The following HGSNAT variants were observed in gnomAD, a reference collection of about 807,000 sequenced individuals.
The protein encoded by HGSNAT is heparan-alpha-glucosaminide N-acetyltransferase.
In HGSNAT, 59 loss-of-function variants were observed where a neutral mutation model predicts 85.2. The observed-to-expected ratio is 0.69, with a 90% CI of 0.56 to 0.86. The LOEUF (loss-of-function observed/expected upper bound fraction) is 0.86. HGSNAT is among the 40% of genes least tolerant of loss of function. HGSNAT has a pLI of 0.00. For synonymous variants in HGSNAT, 321 were observed against 304.5 expected (o/e 1.05, Z -0.56); for missense variants, 756 against 777.1 (o/e 0.97, Z 0.32).
intron 11 of HGSNAT, among the ~76,000 whole-genome samples, chr8:43,184,047 TG>T (rs1158315632): frequency 6.6e-6 from 1 of 152,256 alleles, no homozygotes; most frequent in Non-Finnish European, 1.5e-5. Context: ...GTTGGGCATT[TG>T]GGTTGGTTCC....
chr8:43,196,167 C>T, intron 14 of HGSNAT: 1 of 299,828 alleles, frequency 3.3e-6, no homozygotes, highest in South Asian at 2.8e-5. Context: ...TGTGCTTCAA[C>T]AGCACCTACT....
chr8:43,197,822 C>T lies in HGSNAT; in HGVS notation c.1614-18C>T. 2 of 1,607,306 alleles carry T rather than the reference C, an allele frequency of 1.2e-6. No homozygotes were observed. The highest frequency in any genetic ancestry group is 1.7e-6 in the Non-Finnish European group (2 of 1,173,724). On this transcript the variant is annotated intron_variant, in intron 16 of 17. Coordinates refer to ENST00000379644, the MANE Select transcript of HGSNAT (RefSeq NM_152419.3). ...TTGTTCCGTACGAGCACTGAAACGT[C>T]TCCTCCACCCCTCCCAGGTCCCTTT... is the stretch of plus-strand genomic sequence containing the variant.
intron 12 of HGSNAT, 111 bp from the exon 13 acceptor site, chr8:43,192,193 G>GT: frequency 1.6e-6 from 2 of 1,240,860 alleles, no homozygotes; most frequent in Non-Finnish European, 2.2e-6. Context: ...CTCCCAAAGT[G>GT]TTGGGATTAC....
chr8:43,150,237 G>A (rs952162427), intron 2 of HGSNAT, among the ~76,000 whole-genome samples: 2 of 152,100 alleles, frequency 1.3e-5, no homozygotes, highest in African/African-American at 4.8e-5. Flanking sequence ...ACCGACGTGA[G>A]CCACCGCGCC....
rs1193781225 is a variant in HGSNAT, at chr8:43,145,675, C to T, written c.119-1273C>T. On this transcript the variant is annotated intron_variant, in intron 1 of 17. Coordinates refer to ENST00000379644, the MANE Select transcript of HGSNAT (RefSeq NM_152419.3). Reference sequence around the variant, plus strand: ...CTGAGGCAGGAGAATGGCTTGAACCCGAGTGGTAGAGGTTGCAGTGAGCCG... The same window carrying T: ...CTGAGGCAGGAGAATGGCTTGAACCTGAGTGGTAGAGGTTGCAGTGAGCCG... 7.2e-5 allele frequency among the ~76,000 whole-genome samples: 11 copies of T among 152,050 alleles called. No homozygotes were observed. In the South Asian group the frequency reaches 1.0e-3, roughly 14 times the overall value.
intron 10 of HGSNAT, 113 bp from the exon 11 acceptor site, chr8:43,182,032 A>G (rs1373312727): frequency 8.7e-6 from 7 of 805,490 alleles, no homozygotes; most frequent in Non-Finnish European, 1.5e-5. Context: ...CTTAAAAAAG[A>G]CTTACTTAGA....
In HGSNAT at chr8:43,153,404, C is replaced by T. The variant is rs182760642; in HGVS notation, c.235-5171C>T. Among the ~76,000 whole-genome samples, 296 of 151,716 alleles carry T rather than the reference C, an allele frequency of 2.0e-3. 1 individual carries two copies. The highest frequency in any genetic ancestry group is 0.01 in the Middle Eastern group (3 of 294). ...AATAATGGTACATATTTATGGGGTACAGTATCTCGAACTGCTGAGCTCAAG... is the reference window on the plus strand; with the variant it reads ...AATAATGGTACATATTTATGGGGTATAGTATCTCGAACTGCTGAGCTCAAG... On this transcript the variant is annotated intron_variant, in intron 2 of 17. Coordinates refer to ENST00000379644, the MANE Select transcript of HGSNAT (RefSeq NM_152419.3).
intron 2 of HGSNAT, among the ~76,000 whole-genome samples, chr8:43,157,940 G>C (rs1010883386): frequency 2.0e-5 from 3 of 152,048 alleles, no homozygotes; most frequent in African/African-American, 4.8e-5. Flanking sequence ...CATATATTAA[G>C]TTACAAATAT....
intron 7 of HGSNAT, 86 bp downstream of exon 7, chr8:43,170,780 A>G (rs1198042582): frequency 2.5e-6 from 2 of 786,800 alleles, no homozygotes; most frequent in East Asian, 2.8e-5. Context: ...GCTTTTAAGG[A>G]CTTTTACATA....
intron 8 of HGSNAT, among the ~76,000 whole-genome samples, 153 bp downstream of exon 8, chr8:43,172,539 C>A (rs1321024854): frequency 6.6e-6 from 1 of 152,208 alleles, no homozygotes; most frequent in Admixed American, 6.5e-5. Flanking sequence ...CTAGGGTGAC[C>A]TGTAGATGAT....
Position 43,158,939 on chromosome 8 carries a change from G to A in HGSNAT, c.388G>A (p.Gly130Arg). 6.2e-7 allele frequency: 1 copy of A among 1,609,112 alleles called. No homozygotes were observed. Among genetic ancestry groups the A allele is most frequent in the Non-Finnish European group, 8.5e-7 (1 of 1,176,902 alleles). The change falls in exon 4 of 18, where the codon GGA becomes AGA. Residue 130 changes from glycine (G) to arginine (R), a missense_variant. By Grantham distance (125) the Gly-to-Arg change is moderately radical (BLOSUM62 -2). Coordinates refer to ENST00000379644, the MANE Select transcript of HGSNAT (RefSeq NM_152419.3). ...KEVCRLEYRFGEFGNYSLLVK... is the reference protein window; with the variant it reads ...KEVCRLEYRFREFGNYSLLVK... The stretch of plus-strand genomic sequence containing the variant: ...TGTTTGTAGGTTGGAATACAGATTT[G>A]GAGAATTTGGAAACTATTCTCTCTT...
At chr8:43,190,146 G>A (rs1340327132) in intron 11 of HGSNAT, among the ~76,000 whole-genome samples, 2 of 152,114 alleles carry the variant, frequency 1.3e-5, no homozygotes, top group Non-Finnish European at 1.5e-5. Context: ...GAAGCATGTC[G>A]GAGTCCCATC....
chr8:43,161,043 T>G (rs1367626511), intron 4 of HGSNAT, among the ~76,000 whole-genome samples: 1 of 152,220 alleles, frequency 6.6e-6, no homozygotes, highest in Non-Finnish European at 1.5e-5. Flanking sequence ...TCAGGCTGTC[T>G]TTACAAGGGC....
In HGSNAT at chr8:43,146,999, T is replaced by A; in HGVS notation, c.170T>A (p.Leu57His). ...AELKMDQALL[L>H]IHNELLWTNL... ...CTGAAGATGGATCAGGCTTTGCTAC[T>A]CATCCATAATGAACTTCTCTGGACC... Residue 57 changes from leucine to histidine, a missense_variant, in exon 2 of 18, where the codon CTC (leucine) becomes CAC (histidine). Coordinates refer to ENST00000379644, the MANE Select transcript of HGSNAT (RefSeq NM_152419.3). 1 of 1,610,654 alleles carries A rather than the reference T, an allele frequency of 6.2e-7. No homozygotes were observed. The highest frequency in any genetic ancestry group is 8.5e-7 in the Non-Finnish European group (1 of 1,178,992).
At chr8:43,191,007 G>T (rs915127857) in intron 11 of HGSNAT, among the ~76,000 whole-genome samples, 7 of 152,154 alleles carry the variant, frequency 4.6e-5, no homozygotes, top group Non-Finnish European at 8.8e-5. Flanking sequence ...GTCATATAAC[G>T]TGGCTTTTTG....
intron 2 of HGSNAT, among the ~76,000 whole-genome samples, chr8:43,152,404 A>G (rs1035802465): frequency 2.6e-5 from 4 of 152,216 alleles, no homozygotes; most frequent in Admixed American, 2.0e-4. Flanking sequence ...TAATAAATAC[A>G]TAAGGTAGAA....
intron 10 of HGSNAT, among the ~76,000 whole-genome samples, chr8:43,178,463 A>T (rs1803891221): frequency 6.6e-6 from 1 of 152,084 alleles, no homozygotes; most frequent in Non-Finnish European, 1.5e-5. Context: ...GTGCAGAGGA[A>T]AAGTCTGAGG....
At position 43,199,674 on chromosome 8, in the gene HGSNAT, C is replaced by A; in HGVS notation, c.*105C>A. On this transcript the variant is annotated 3_prime_UTR_variant, in exon 18 of 18. Coordinates refer to ENST00000379644, the MANE Select transcript of HGSNAT (RefSeq NM_152419.3). ...CATTCATTAGGAAATTGACTGGCTG[C>A]GTGTTTACAGACTCTGGGGGAAGAC... The A allele has an allele frequency of 2.3e-6, 2 of 857,132 alleles. No homozygotes were observed. Among genetic ancestry groups the A allele is most frequent in the Non-Finnish European group, 3.3e-6 (2 of 601,086 alleles). 53.1% of individuals were successfully genotyped at this position (857,132 alleles called of 1,614,324 possible). A position where few individuals can be genotyped will look rare whatever the true frequency, so the allele number is the denominator to read the frequency against.
chr8:43,168,208 C>T (rs535258721), intron 5 of HGSNAT: 191 of 154,002 alleles, frequency 1.2e-3, no homozygotes, highest in Admixed American at 2.6e-3. Flanking sequence ...CGTGAGCCAC[C>T]GCGCCCAGCC....
Sources: gnomAD v4.1 joint callset for allele counts (sites outside exome capture counted in the v4.1 genomes callset) on GRCh38, gnomAD v4.1.1 for gene constraint, MANE v1.5 for transcripts, NCBI Gene and HGNC (gene_info 2026-07-23, HGNC 2026-07-21) for gene names.